Variants in LPGAT1 observed in about 807,000 individuals in gnomAD.
LPGAT1 encodes the protein lysophosphatidylglycerol acyltransferase 1.
LPGAT1 carries 11 observed loss-of-function variants against 47.5 expected under a neutral mutation model. The ratio of observed to expected loss-of-function variants is 0.23; its 90% CI spans 0.15 to 0.38. LPGAT1 has a LOEUF of 0.38. LPGAT1 is among the 10% of genes least tolerant of loss of function. The pLI, the probability that LPGAT1 is intolerant of heterozygous loss-of-function variation, is 1.00. For missense variants in LPGAT1, 293 were observed against 439.0 expected (o/e 0.67, Z 2.97); for synonymous variants, 138 against 144.2 (o/e 0.96, Z 0.31).
At chr1:211,772,053 C>T (rs1404400546) in intron 6 of LPGAT1, among the ~76,000 whole-genome samples, 3 of 152,148 alleles carry the variant, frequency 2.0e-5, no homozygotes, top group Non-Finnish European at 4.4e-5. Flanking sequence ...CCATTGCACC[C>T]ACCCAAATAC....
At chr1:211,821,416 T>G (rs536832729) in intron 2 of LPGAT1, among the ~76,000 whole-genome samples, 48 of 152,286 alleles carry the variant, frequency 3.2e-4, no homozygotes, top group African/African-American at 1.1e-3. Flanking sequence ...GGGTGAACAT[T>G]ACATTTAACT....
intron 2 of LPGAT1, among the ~76,000 whole-genome samples, chr1:211,809,793 C>T (rs1396378514): frequency 6.6e-6 from 1 of 152,172 alleles, no homozygotes; most frequent in East Asian, 1.9e-4. Flanking sequence ...TCATTCAAAC[C>T]TCTTTCCTTT....
intron 1 of LPGAT1, 61 bp from the exon 2 acceptor site, chr1:211,829,384 C>T (rs1571777977): frequency 6.3e-7 from 1 of 1,576,168 alleles, no homozygotes; most frequent in East Asian, 2.2e-5. Context: ...TAAACAGTCA[C>T]CAACATAGAA....
intron 6 of LPGAT1, among the ~76,000 whole-genome samples, chr1:211,762,831 C>A (rs1657753852): frequency 6.6e-6 from 1 of 152,190 alleles, no homozygotes; most frequent in Non-Finnish European, 1.5e-5. Flanking sequence ...ACCCCCTATA[C>A]TGGAGTTGGA....
At chr1:211,800,411 C>A (rs1173982796) in intron 2 of LPGAT1, among the ~76,000 whole-genome samples, 1 of 152,084 alleles carries the variant, frequency 6.6e-6, no homozygotes, top group East Asian at 1.9e-4. Context: ...TGCTTCCACT[C>A]CGCCTATCTA....
chr1:211,794,414 A>T (rs1571738862), intron 2 of LPGAT1, among the ~76,000 whole-genome samples: 1 of 151,708 alleles, frequency 6.6e-6, no homozygotes, highest in East Asian at 1.9e-4. Context: ...TGACCCTCCT[A>T]CCTCAGCCTC....
intron 2 of LPGAT1, among the ~76,000 whole-genome samples, chr1:211,793,795 A>G (rs1221880812): frequency 6.6e-6 from 1 of 152,216 alleles, no homozygotes; most frequent in Non-Finnish European, 1.5e-5. Flanking sequence ...AACTTGTTCA[A>G]ATAAGCAAAG....
intron 2 of LPGAT1, among the ~76,000 whole-genome samples, chr1:211,825,188 C>CTTTTTTTT (rs953536979): frequency 9.9e-5 from 7 of 70,902 alleles, no homozygotes; most frequent in East Asian, 4.6e-4. Flanking sequence ...GCACAGTCTT[C>CTTTTTTTT]TTTTTTTTTT....
rs1459258974 is a variant in LPGAT1, at chr1:211,748,842, C to G, written c.*1057G>C. 1 of 152,574 alleles carries G rather than the reference C, an allele frequency of 6.6e-6. No individual in the cohort carries two copies. The highest frequency in any genetic ancestry group is 1.5e-5 in the Non-Finnish European group (1 of 68,046). The allele number at this position is 152,574 out of a possible 1,614,324, so 9.5% of individuals were successfully genotyped here. The stretch of plus-strand genomic sequence containing the variant: ...AGGTCCTAGGGGTGCCACATGAGAA[C>G]CTGTCACCATTATAAGCCACTAGCT... On this transcript the variant is annotated 3_prime_UTR_variant, in exon 8 of 8. Coordinates refer to ENST00000366997, the MANE Select transcript of LPGAT1 (RefSeq NM_014873.3).
intron 3 of LPGAT1, among the ~76,000 whole-genome samples, chr1:211,791,286 T>C (rs190793644): frequency 1.1e-3 from 170 of 152,304 alleles, no homozygotes; most frequent in Middle Eastern, 3.4e-3. Flanking sequence ...TATTCTCACT[T>C]TGATGTTTTT....
At chr1:211,756,610 G>A (rs1388398068) in intron 6 of LPGAT1, among the ~76,000 whole-genome samples, 1 of 152,174 alleles carries the variant, frequency 6.6e-6, no homozygotes, top group African/African-American at 2.4e-5. Context: ...GTGGAATTGA[G>A]TGAGCCACTG....
rs187094695 is a variant in LPGAT1, at chr1:211,766,828, T to C, written c.854+12090A>G. On this transcript the variant is annotated intron_variant, in intron 6 of 7. Transcript: ENST00000366997. Reference sequence around the variant, plus strand: ...CTATTACTTTCACACCATCATAAAGTCAAAAAATCATGAAGTTAACTACCT... The same window carrying C: ...CTATTACTTTCACACCATCATAAAGCCAAAAAATCATGAAGTTAACTACCT... 1.1e-4 allele frequency among the ~76,000 whole-genome samples: 17 copies of C among 152,296 alleles called. No individual in the cohort carries two copies. The East Asian group carries it at 3.3e-3, about 29-fold the overall frequency.
intron 2 of LPGAT1, among the ~76,000 whole-genome samples, chr1:211,811,415 G>T (rs1423935042): frequency 6.6e-6 from 1 of 152,216 alleles, no homozygotes; most frequent in Non-Finnish European, 1.5e-5. Flanking sequence ...ATGAAGAGCT[G>T]TCGGGAATGA....
intron 2 of LPGAT1, among the ~76,000 whole-genome samples, chr1:211,801,424 G>A (rs534631357): frequency 7.2e-5 from 11 of 152,188 alleles, no homozygotes; most frequent in African/African-American, 2.2e-4. Context: ...TTGTTAAAAT[G>A]GTATATAAAG....
At chr1:211,819,590 G>A (rs982978711) in intron 2 of LPGAT1, among the ~76,000 whole-genome samples, 4 of 152,200 alleles carry the variant, frequency 2.6e-5, no homozygotes, top group Admixed American at 2.0e-4. Flanking sequence ...TACAATCTAT[G>A]CTGGGGTGGA....
At chr1:211,795,323 T>G (rs937463334) in intron 2 of LPGAT1, among the ~76,000 whole-genome samples, 1 of 152,104 alleles carries the variant, frequency 6.6e-6, no homozygotes, top group Non-Finnish European at 1.5e-5. Context: ...AAAAGCAAAG[T>G]GTAGAATAGG....
At chr1:211,821,350 A>C (rs1386146124) in intron 2 of LPGAT1, among the ~76,000 whole-genome samples, 1 of 152,250 alleles carries the variant, frequency 6.6e-6, no homozygotes, top group Admixed American at 6.5e-5. Context: ...CCTTATTGAG[A>C]AACTACTAGA....
intron 3 of LPGAT1, among the ~76,000 whole-genome samples, chr1:211,788,104 G>C (rs1658960304): frequency 6.6e-6 from 1 of 152,052 alleles, no homozygotes; most frequent in Non-Finnish European, 1.5e-5. Context: ...TATCAAACAA[G>C]ACTATATATT....
rs76899378 is a variant in LPGAT1, at chr1:211,828,293, A to G, written c.238+766T>C. Among the ~76,000 whole-genome samples, 931 of 152,334 alleles carry G rather than the reference A, an allele frequency of 6.1e-3. 3 individuals are homozygous for G. Among genetic ancestry groups the G allele is most frequent in the Admixed American group, 0.01 (154 of 15,304 alleles). ...AAGGGAAAAAAATCAAATAAATACA[A>G]TAAACGATACAGAATTTTCACAGCA... On this transcript the variant is annotated intron_variant, in intron 2 of 7. Transcript: ENST00000366997.
Sources: gnomAD v4.1 joint callset for allele counts (sites outside exome capture counted in the v4.1 genomes callset) on GRCh38, gnomAD v4.1.1 for gene constraint, MANE v1.5 for transcripts, NCBI Gene and HGNC (gene_info 2026-07-23, HGNC 2026-07-21) for gene names.